SLIT3: variants seen among roughly 807,000 people sequenced by gnomAD.
SLIT3 encodes slit homolog 3 protein.
A neutral mutation model predicts 184.0 loss-of-function variants in SLIT3; 68 were observed. That is an observed-to-expected ratio of 0.37 (90% CI 0.30 to 0.45). The LOEUF is 0.45. Among genes scored for constraint, SLIT3 ranks in the 20% least tolerant of loss-of-function variants. The pLI is 1.00. For synonymous variants in SLIT3, 831 were observed against 828.6 expected (o/e 1.00, Z -0.05); for missense variants, 1,707 against 2,026.0 (o/e 0.84, Z 3.02).
chr5:168,974,032 A>G (rs907857598), intron 4 of SLIT3, among the ~76,000 whole-genome samples: 2 of 152,342 alleles, frequency 1.3e-5, no homozygotes. Context: ...TGTTTGGAAC[A>G]CTAAATTACA....
intron 5 of SLIT3, among the ~76,000 whole-genome samples, chr5:168,855,183 A>C (rs746668157): frequency 3.3e-5 from 5 of 152,112 alleles, no homozygotes; most frequent in Non-Finnish European, 7.4e-5. Context: ...CTTCACACAC[A>C]CTAGAAAGGC....
rs138466846 is a variant in SLIT3 at position 168,715,157 on chromosome 5, G to A, written c.2484-2803C>T. Among the ~76,000 whole-genome samples, 25 of 152,314 alleles carry A rather than the reference G, an allele frequency of 1.6e-4. No individual in the cohort carries two copies. The East Asian group carries it at 4.4e-3, about 27-fold the overall frequency. On this transcript the variant is annotated intron_variant, in intron 23 of 35. Coordinates refer to ENST00000519560, the MANE Select transcript of SLIT3 (RefSeq NM_003062.4). Reference sequence around the variant, plus strand: ...CAGACTGCCTGGGTGTGAATCCCTCGTCTGATACTGGCTGTGTGAGCTGAG... The same window carrying A: ...CAGACTGCCTGGGTGTGAATCCCTCATCTGATACTGGCTGTGTGAGCTGAG...
chr5:169,086,509 T>C (rs998730892), intron 4 of SLIT3, among the ~76,000 whole-genome samples: 2 of 152,232 alleles, frequency 1.3e-5, no homozygotes, highest in Non-Finnish European at 2.9e-5. Flanking sequence ...ACATGAACTA[T>C]ATACGGCTTG....
intron 4 of SLIT3, among the ~76,000 whole-genome samples, chr5:169,151,738 C>A (rs1762124201): frequency 1.3e-5 from 2 of 152,190 alleles, no homozygotes; most frequent in African/African-American, 4.8e-5. Context: ...CTCCTTTTAG[C>A]CTCTGAAAGG....
intron 23 of SLIT3, among the ~76,000 whole-genome samples, chr5:168,713,406 C>T (rs773910859): frequency 1.1e-4 from 16 of 152,158 alleles, no homozygotes; most frequent in Non-Finnish European, 1.8e-4. Context: ...AGTAGCAACA[C>T]GAGCAAATCC....
chr5:168,748,422 C>T lies in SLIT3; in HGVS notation c.2150G>A (p.Ser717Asn). 1 of 1,524,930 alleles carries T rather than the reference C, an allele frequency of 6.6e-7. No homozygotes were observed. Among genetic ancestry groups the T allele is most frequent in the Non-Finnish European group, 8.7e-7 (1 of 1,148,190 alleles). The allele number at this position is 1,524,930 out of a possible 1,614,324, so 94.5% of individuals were successfully genotyped here. The change falls in exon 20 of 36, where the codon AGT (serine) becomes AAT (asparagine). Residue 717 changes from serine to asparagine, a missense_variant. Ser to Asn is a conservative substitution (Grantham distance 46). Around this residue, in one of 3 missense-constraint regions of SLIT3, gnomAD observed 1,307 missense variants for 1,511.6 expected, o/e 0.86. Coordinates refer to ENST00000519560, the MANE Select transcript of SLIT3 (RefSeq NM_003062.4). ...QDFTCDGNEE[S>N]SCQLSPRCPE... is the part of the protein sequence containing the mutation. The stretch of plus-strand genomic sequence containing the variant: ...GCAGCGCGGGCTCAGCTGGCAGCTA[C>T]TCTCCTCGTTGCCTGTGGAGAGCCC...
intron 3 of SLIT3, among the ~76,000 whole-genome samples, chr5:169,198,913 C>G (rs1561732935): frequency 6.6e-6 from 1 of 151,334 alleles, no homozygotes; most frequent in Non-Finnish European, 1.5e-5. Context: ...GCCTGGGCAA[C>G]AGAGCAAGAC....
intron 4 of SLIT3, among the ~76,000 whole-genome samples, chr5:168,928,405 G>T (rs977525849): frequency 6.6e-6 from 1 of 152,168 alleles, no homozygotes; most frequent in Non-Finnish European, 1.5e-5. Flanking sequence ...TTGAAAAACA[G>T]TTGTTTAAAC....
chr5:169,233,878 G>C (rs1376061545), intron 3 of SLIT3, among the ~76,000 whole-genome samples: 1 of 151,898 alleles, frequency 6.6e-6, no homozygotes, highest in Non-Finnish European at 1.5e-5. Context: ...GTGTTTAATA[G>C]AAGCTATGAC....
intron 4 of SLIT3, among the ~76,000 whole-genome samples, chr5:169,143,059 A>G (rs1761798641): frequency 6.6e-6 from 1 of 152,220 alleles, no homozygotes; most frequent in African/African-American, 2.4e-5. Context: ...CCTAATAGCC[A>G]GTAAGTCCCT....
intron 5 of SLIT3, among the ~76,000 whole-genome samples, chr5:168,865,247 G>A (rs906325068): frequency 1.3e-5 from 2 of 151,702 alleles, no homozygotes; most frequent in South Asian, 4.2e-4. Flanking sequence ...TTACGTGAGG[G>A]AAATGAAAAC....
chr5:169,253,198 C>G (rs1765835927), intron 1 of SLIT3, among the ~76,000 whole-genome samples: 1 of 152,242 alleles, frequency 6.6e-6, no homozygotes, highest in East Asian at 1.9e-4. Flanking sequence ...CACACGTGTT[C>G]TTCTTACCTC....
chr5:168,925,828 A>G (rs1262795838), intron 4 of SLIT3, among the ~76,000 whole-genome samples: 2 of 152,190 alleles, frequency 1.3e-5, no homozygotes, highest in African/African-American at 4.8e-5. Context: ...AGGCAGTAAC[A>G]AGTGAGGTAT....
At chr5:169,079,047 C>T (rs1758861354) in intron 4 of SLIT3, among the ~76,000 whole-genome samples, 1 of 152,184 alleles carries the variant, frequency 6.6e-6, no homozygotes, top group Non-Finnish European at 1.5e-5. Flanking sequence ...TCAGTCTCTG[C>T]CTTTAGCTCC....
intron 3 of SLIT3, among the ~76,000 whole-genome samples, chr5:169,215,766 A>T (rs1234589756): frequency 6.6e-6 from 1 of 152,216 alleles, no homozygotes; most frequent in Admixed American, 6.5e-5. Flanking sequence ...TGAATAAATA[A>T]ATGATACATT....
At chr5:169,066,931 AT>A (rs1388565995) in intron 4 of SLIT3, among the ~76,000 whole-genome samples, 1 of 143,272 alleles carries the variant, frequency 7.0e-6, no homozygotes, top group Admixed American at 7.0e-5. Flanking sequence ...CAACACCATG[AT>A]CCCTTTCCTG....
intron 5 of SLIT3, among the ~76,000 whole-genome samples, chr5:168,881,702 G>A (rs904223993): frequency 6.6e-6 from 1 of 152,160 alleles, no homozygotes; most frequent in Non-Finnish European, 1.5e-5. Flanking sequence ...CTAGAAAAGC[G>A]CTCTGACATG....
At chr5:168,770,152 T>A (rs1427863897) in intron 14 of SLIT3, among the ~76,000 whole-genome samples, 1 of 152,162 alleles carries the variant, frequency 6.6e-6, no homozygotes. Flanking sequence ...TCAGGAGGAC[T>A]TAATCTGATG....
intron 1 of SLIT3, among the ~76,000 whole-genome samples, chr5:169,281,931 A>G (rs1445431392): frequency 6.6e-6 from 1 of 152,218 alleles, no homozygotes; most frequent in Non-Finnish European, 1.5e-5. Context: ...GTTATGAAAC[A>G]AGGGTACAGC....
Sources: gnomAD v4.1 joint callset for allele counts (sites outside exome capture counted in the v4.1 genomes callset) on GRCh38, gnomAD v4.1.1 for gene constraint, gnomAD v4.1.1 regional missense constraint, MANE v1.5 for transcripts, NCBI Gene and HGNC (gene_info 2026-07-23, HGNC 2026-07-21) for gene names.